Variants in IGSF10 observed in about 807,000 individuals in gnomAD.
IGSF10 encodes calvaria mechanical force protein 608.
IGSF10 carries 126 observed loss-of-function variants against 128.2 expected under a neutral mutation model. That is an observed-to-expected ratio of 0.98 (90% confidence interval 0.85 to 1.14). The LOEUF is 1.14. Ranked by LOEUF, IGSF10 falls within the 50% of genes most tolerant of loss-of-function variation. The pLI is 0.00. For synonymous variants in IGSF10, 1,185 were observed against 1,146.2 expected, an observed-to-expected ratio of 1.03 and a Z score of -0.68; for missense variants, 3,295 against 3,149.8, an observed-to-expected ratio of 1.05 and a Z score of -1.10.
chr3:151,497,447 G>T, the IGSF10 span, among the ~76,000 whole-genome samples: 2 of 152,118 alleles, frequency 1.3e-5, no homozygotes, highest in Admixed American at 6.5e-5. Flanking sequence ...CTTCCCCATT[G>T]CTTGTTTTTG....
downstream of IGSF10, chr3:151,435,878 TAATGA>T (rs1036255104): frequency 1.3e-5 from 2 of 152,130 alleles, no homozygotes; most frequent in African/African-American, 2.4e-5. Context: ...CATAAAGAAT[TAATGA>T]AATGAAATGC....
chr3:151,577,742 AC>A, the IGSF10 span, among the ~76,000 whole-genome samples: 11 of 152,120 alleles, frequency 7.2e-5, no homozygotes, highest in Admixed American at 6.6e-4. Flanking sequence ...AGATATAGTA[AC>A]TTTTCTTGAA....
At chr3:151,518,414 C>T in the IGSF10 span, among the ~76,000 whole-genome samples, 3 of 151,968 alleles carry the variant, frequency 2.0e-5, no homozygotes, top group Admixed American at 2.0e-4. Flanking sequence ...GTTCTTTGCT[C>T]AATTAAACCA....
the IGSF10 span, among the ~76,000 whole-genome samples, chr3:151,543,951 C>T: frequency 4.2e-4 from 64 of 152,294 alleles, no homozygotes; most frequent in African/African-American, 1.5e-3. Flanking sequence ...ACTCTGTCAC[C>T]CAGGCTGGAG....
the IGSF10 span, among the ~76,000 whole-genome samples, chr3:151,518,293 C>A: frequency 6.6e-6 from 1 of 151,966 alleles, no homozygotes; most frequent in East Asian, 1.9e-4. Context: ...TACCTCACTT[C>A]CATTTTTTGT....
chr3:151,544,921 C>G, the IGSF10 span, among the ~76,000 whole-genome samples: 1 of 152,016 alleles, frequency 6.6e-6, no homozygotes, highest in African/African-American at 2.4e-5. Flanking sequence ...TATACTGATT[C>G]TCTAACTTTC....
At chr3:151,515,314 T>C in the IGSF10 span, among the ~76,000 whole-genome samples, 1 of 151,798 alleles carries the variant, frequency 6.6e-6, no homozygotes, top group Non-Finnish European at 1.5e-5. Flanking sequence ...TCATGTCCTT[T>C]GTATGGACAT....
chr3:151,568,069 T>C, the IGSF10 span, among the ~76,000 whole-genome samples: 4,925 of 152,278 alleles, frequency 0.032, 186 homozygotes, highest in East Asian at 0.2. Context: ...ACTAGTTTAT[T>C]TGTCAGAAGA....
chr3:151,598,161 C>T, the IGSF10 span, among the ~76,000 whole-genome samples: 74 of 151,740 alleles, frequency 4.9e-4, no homozygotes, highest in African/African-American at 1.7e-3. Context: ...TTCCCCCCAC[C>T]GCCATCCCCT....
Position 151,445,524 on chromosome 3 carries a change from A to G in IGSF10, c.4457T>C (p.Val1486Ala), listed in dbSNP as rs1721134261. ...PISPPFTQRAVTDNVATPISG... is the reference protein window; with the variant it reads ...PISPPFTQRAATDNVATPISG... ...AATGGGAGTCGCCACGTTGTCAGTA[A>G]CTGCTCTCTGAGTAAAGGGAGGGGA... Residue 1486 changes from valine to alanine, a missense_variant, in exon 6 of 8, where the codon GTT becomes GCT. Val to Ala is a moderately conservative substitution (Grantham distance 64). Coordinates refer to ENST00000282466, the MANE Select transcript of IGSF10 (RefSeq NM_178822.5). The G allele has an allele frequency of 6.2e-7, 1 of 1,614,046 alleles. No individual in the cohort carries two copies. The highest frequency in any genetic ancestry group is 1.1e-5 in the South Asian group (1 of 91,092).
At chr3:151,574,283 G>T in the IGSF10 span, among the ~76,000 whole-genome samples, 2 of 152,176 alleles carry the variant, frequency 1.3e-5, no homozygotes, top group Admixed American at 6.5e-5. Context: ...GGTTGGGGAA[G>T]TTCTCCTGGA....
the IGSF10 span, among the ~76,000 whole-genome samples, chr3:151,496,963 T>G: frequency 7.0e-4 from 106 of 152,336 alleles, no homozygotes; most frequent in South Asian, 9.8e-3. Flanking sequence ...GTCTGTTGGC[T>G]GCATAAATGT....
At chr3:151,474,904 TG>T in the IGSF10 span, among the ~76,000 whole-genome samples, 4 of 152,156 alleles carry the variant, frequency 2.6e-5, no homozygotes, top group Non-Finnish European at 4.4e-5. Context: ...GAGAACAACA[TG>T]GGAAAGACTT....
At chr3:151,450,975 A>T (rs1301228635) in intron 5 of IGSF10, among the ~76,000 whole-genome samples, 2 of 151,128 alleles carry the variant, frequency 1.3e-5, no homozygotes, top group East Asian at 3.9e-4. Flanking sequence ...CCTACTTATC[A>T]GTACCCTGGG....
the IGSF10 span, among the ~76,000 whole-genome samples, chr3:151,581,881 G>A: frequency 6.6e-6 from 1 of 152,098 alleles, no homozygotes; most frequent in Non-Finnish European, 1.5e-5. Context: ...GACCAGGCAG[G>A]CCAATATGGT....
intron 5 of IGSF10, among the ~76,000 whole-genome samples, chr3:151,451,007 C>A (rs1027897893): frequency 6.6e-6 from 1 of 151,524 alleles, no homozygotes; most frequent in African/African-American, 2.4e-5. Context: ...TGGCAGACTT[C>A]TGGCTTAATG....
At chr3:151,463,703 T>C (rs1300058601), upstream of IGSF10, among the ~76,000 whole-genome samples, 1 of 151,894 alleles carries the variant, frequency 6.6e-6, no homozygotes, top group African/African-American at 2.4e-5. Flanking sequence ...CATGCCACCA[T>C]GGCTGGGCGC....
At chr3:151,456,949 A>G in intron 4 of IGSF10, 77 bp downstream of exon 4, 2 of 1,435,098 alleles carry the variant, frequency 1.4e-6, no homozygotes, top group Non-Finnish European at 1.9e-6. Context: ...TTGTGTAGAG[A>G]TAGGCAGCCT....
At chr3:151,602,836 G>A in the IGSF10 span, among the ~76,000 whole-genome samples, 1 of 152,174 alleles carries the variant, frequency 6.6e-6, no homozygotes, top group Non-Finnish European at 1.5e-5. Context: ...TGATTATCCA[G>A]TTGAGAAGAG....
Sources: gnomAD v4.1 joint callset for allele counts (sites outside exome capture counted in the v4.1 genomes callset) on GRCh38, gnomAD v4.1.1 for gene constraint, MANE v1.5 for transcripts, NCBI Gene and HGNC (gene_info 2026-07-23, HGNC 2026-07-21) for gene names.